The following MSR1 variants were observed in gnomAD, a reference collection of about 807,000 sequenced individuals.
MSR1 encodes macrophage scavenger receptor types I and II.
In MSR1, 53 loss-of-function variants were observed where a neutral mutation model predicts 47.2. The ratio of observed to expected loss-of-function variants is 1.12; its 90% confidence interval spans 0.90 to 1.41. The LOEUF is 1.41. Among genes scored for constraint, MSR1 ranks in the 40% most tolerant of loss-of-function variants. The pLI, the probability that MSR1 is intolerant of heterozygous loss-of-function variation, is 0.00. For synonymous variants in MSR1, 239 were observed against 185.6 expected (o/e 1.29, Z -2.34); for missense variants, 786 against 546.9 (o/e 1.44, Z -4.36).
rs1294400753 is a variant in MSR1, at chr8:16,189,095, C to G, written c.-5+3503G>C. Among the ~76,000 whole-genome samples the G allele has an allele frequency of 2.8e-5, 4 of 144,414 alleles. No homozygotes were observed. The South Asian group carries it at 8.5e-4, about 31-fold the overall frequency. The allele number at this position is 144,414 out of a possible 152,430, so 94.7% of individuals were successfully genotyped here. A position where few individuals can be genotyped will look rare whatever the true frequency, so the allele number is the denominator to read the frequency against. On this transcript the variant is annotated intron_variant, in intron 1 of 9. Coordinates refer to ENST00000262101, the MANE Select transcript of MSR1 (RefSeq NM_138715.3). ...CATATATTTCATATATACGCAAAAC[C>G]TTATTTTACATATATTTCATATATA...
intron 3 of MSR1, 38 bp downstream of exon 3, chr8:16,175,149 G>A: frequency 6.6e-7 from 1 of 1,526,308 alleles, no homozygotes; most frequent in Non-Finnish European, 9.1e-7. Flanking sequence ...TAATTCACGG[G>A]ACGAGTTACT....
At position 16,150,316 on chromosome 8, in the gene MSR1, A is replaced by G. The variant is rs1350748938; in HGVS notation, c.899-5T>C. Reference sequence around the variant, plus strand: ...CACCTTTAAGACCCGGAGGACCTACATTATTAACGAAGAAAAAAAGAAGGT... The same window carrying G: ...CACCTTTAAGACCCGGAGGACCTACGTTATTAACGAAGAAAAAAAGAAGGT... On this transcript the variant is annotated splice_polypyrimidine_tract_variant and splice_region_variant and intron_variant, in intron 6 of 9. Transcript: ENST00000262101. 1 of 1,544,696 alleles carries G rather than the reference A, an allele frequency of 6.5e-7. No individual in the cohort carries two copies.
intron 3 of MSR1, 58 bp from the exon 4 acceptor site, chr8:16,168,928 T>C: frequency 2.7e-6 from 4 of 1,490,764 alleles, no homozygotes; most frequent in Non-Finnish European, 3.7e-6. Context: ...GCATACAGGA[T>C]CCCATCCCAT....
chr8:16,166,342 T>C (rs1245719302), intron 4 of MSR1, among the ~76,000 whole-genome samples: 2 of 151,270 alleles, frequency 1.3e-5, no homozygotes, highest in Non-Finnish European at 3.0e-5. Context: ...TTTTTTAATT[T>C]TGTAGAGATG....
chr8:16,146,935 A>G (rs1800715592), intron 7 of MSR1, among the ~76,000 whole-genome samples: 1 of 152,194 alleles, frequency 6.6e-6, no homozygotes. Context: ...GAAAATGTTC[A>G]GTAAACGTGT....
Position 16,113,127 on chromosome 8 carries a change from T to A in MSR1, c.1223-2909A>T, listed in dbSNP as rs1799800768. Reference sequence around the variant, plus strand: ...ACCACGCCCAGTTAATTTTTGTATTTTTAGTAGAGACGGGGTTTCACCATG... The same window carrying A: ...ACCACGCCCAGTTAATTTTTGTATTATTAGTAGAGACGGGGTTTCACCATG... On this transcript the variant is annotated intron_variant, in intron 9 of 9. Transcript: ENST00000262101. Among the ~76,000 whole-genome samples the A allele has an allele frequency of 2.6e-5, 4 of 151,780 alleles. No individual in the cohort carries two copies. In the South Asian group the frequency reaches 8.3e-4, roughly 32 times the overall value.
intron 2 of MSR1, among the ~76,000 whole-genome samples, chr8:16,175,685 T>C (rs1425797477): frequency 1.3e-5 from 2 of 152,214 alleles, no homozygotes; most frequent in Non-Finnish European, 2.9e-5. Flanking sequence ...AAAGTAACTA[T>C]GCAATTTTTT....
chr8:16,117,756 T>A (rs1447050962), intron 9 of MSR1, among the ~76,000 whole-genome samples: 1 of 151,998 alleles, frequency 6.6e-6, no homozygotes, highest in African/African-American at 2.4e-5. Flanking sequence ...GGTGTCACTG[T>A]CTCCCATCAG....
At chr8:16,181,819 C>T (rs563351541) in intron 1 of MSR1, among the ~76,000 whole-genome samples, 19 of 151,132 alleles carry the variant, frequency 1.3e-4, no homozygotes, top group East Asian at 3.9e-4. Flanking sequence ...AAAAGAAAAA[C>T]GAAAACCCTA....
At chr8:16,136,800 A>G (rs1156395867) in intron 8 of MSR1, among the ~76,000 whole-genome samples, 1 of 152,010 alleles carries the variant, frequency 6.6e-6, no homozygotes, top group African/African-American at 2.4e-5. Flanking sequence ...ACAGGGTTTC[A>G]CCATGTTGGC....
At position 16,120,500 on chromosome 8, in the gene MSR1, T is replaced by A; in HGVS notation, c.1140A>T (p.Glu380Asp). The A allele has an allele frequency of 6.2e-7, 1 of 1,613,768 alleles. No homozygotes were observed. The highest frequency in any genetic ancestry group is 8.5e-7 in the Non-Finnish European group (1 of 1,179,882). ...QWGTICDDRW[E>D]VRVGQVVCRS... The stretch of plus-strand genomic sequence containing the variant: ...TACAGACGACCTGTCCAACGCGCAC[T>A]TCCCAGCGATCGTCACAAATTGTAC... Residue 380 changes from glutamate to aspartate, a missense_variant, in exon 9 of 10, where the codon GAA (glutamate) becomes GAT (aspartate). Coordinates refer to ENST00000262101, the MANE Select transcript of MSR1 (RefSeq NM_138715.3).
intron 9 of MSR1, among the ~76,000 whole-genome samples, chr8:16,111,050 A>G (rs1170309225): frequency 6.6e-6 from 1 of 152,162 alleles, no homozygotes; most frequent in Non-Finnish European, 1.5e-5. Context: ...TTTAGTTCCC[A>G]AATTATCTTA....
chr8:16,162,313 A>C (rs1265462918), intron 5 of MSR1, among the ~76,000 whole-genome samples: 1 of 152,048 alleles, frequency 6.6e-6, no homozygotes, highest in Non-Finnish European at 1.5e-5. Flanking sequence ...ACAATTTCAA[A>C]GATCAAGTCA....
At chr8:16,115,240 C>A (rs999522706) in intron 9 of MSR1, among the ~76,000 whole-genome samples, 1 of 152,118 alleles carries the variant, frequency 6.6e-6, no homozygotes, top group Admixed American at 6.6e-5. Flanking sequence ...ATGATATGAA[C>A]CTGATTCTTC....
intron 8 of MSR1, among the ~76,000 whole-genome samples, chr8:16,134,672 A>C (rs1800347046): frequency 6.6e-6 from 1 of 152,196 alleles, no homozygotes. Context: ...TTAAATCAAA[A>C]GCTACACATG....
At chr8:16,114,256 G>C (rs540247195) in intron 9 of MSR1, among the ~76,000 whole-genome samples, 1 of 151,038 alleles carries the variant, frequency 6.6e-6, no homozygotes, top group East Asian at 2.0e-4. Flanking sequence ...ATTTCACATA[G>C]AAAATTGATT....
At chr8:16,147,822 C>T (rs775688933) in intron 7 of MSR1, among the ~76,000 whole-genome samples, 3 of 152,106 alleles carry the variant, frequency 2.0e-5, no homozygotes, top group Non-Finnish European at 4.4e-5. Context: ...TTACCTCTGC[C>T]GTTGTTTTTC....
intron 6 of MSR1, among the ~76,000 whole-genome samples, chr8:16,150,909 G>C (rs1029077690): frequency 6.7e-6 from 1 of 150,148 alleles, no homozygotes; most frequent in Non-Finnish European, 1.5e-5. Context: ...ATTTACTTAT[G>C]AGTATGTACT....
At position 16,118,598 on chromosome 8, in the gene MSR1, GA is replaced by G. The variant is rs767662281; in HGVS notation, c.1222+1819del. On this transcript the variant is annotated intron_variant, in intron 9 of 9. Transcript: ENST00000262101. ...GGAGGCTGAGGAGGGAGAATCACTT[GA>G]ACCCAGGAGGCAGAGGTTGCAGTAA... Among the ~76,000 whole-genome samples, 99 of 152,042 alleles carry G rather than the reference GA, an allele frequency of 6.5e-4. 1 individual carries two copies. Among genetic ancestry groups the G allele is most frequent in the Non-Finnish European group, 1.2e-4 (8 of 67,980 alleles).
Sources: allele counts gnomAD v4.1 joint callset (sites outside exome capture counted in the v4.1 genomes callset), GRCh38; gene constraint gnomAD v4.1.1; transcripts MANE v1.5; gene names NCBI Gene and HGNC (gene_info 2026-07-23, HGNC 2026-07-21).